STX18: variants seen among roughly 807,000 people sequenced by gnomAD.
STX18 encodes syntaxin 18, also known as syntaxin-18.
STX18 carries 40 observed loss-of-function variants against 50.1 expected under a neutral mutation model. The observed-to-expected ratio is 0.80, with a 90% confidence interval of 0.62 to 1.04. The LOEUF is 1.04. Ranked by LOEUF, STX18 falls within the 50% of genes least tolerant of loss-of-function variation. The pLI, the probability that STX18 is intolerant of heterozygous loss-of-function variation, is 0.00. For missense variants in STX18, 410 were observed against 415.8 expected, an observed-to-expected ratio of 0.99 and a Z score of 0.12; for synonymous variants, 158 against 151.8, an observed-to-expected ratio of 1.04 and a Z score of -0.30.
intron 1 of STX18, among the ~76,000 whole-genome samples, chr4:4,476,929 GTGGCTTAAGCC>G (rs1379943383): frequency 1.3e-5 from 2 of 152,304 alleles, no homozygotes; most frequent in Admixed American, 1.3e-4. Context: ...GGCTTGGGCA[GTGGCTTAAGCC>G]TGTAATCCCA....
chr4:4,515,207 G>A (rs1301697231), intron 1 of STX18, among the ~76,000 whole-genome samples: 1 of 152,036 alleles, frequency 6.6e-6, no homozygotes. Flanking sequence ...AGGAATGGTT[G>A]TAAAATTTCT....
chr4:4,520,252 C>T (rs1730451228), intron 1 of STX18, among the ~76,000 whole-genome samples: 1 of 152,200 alleles, frequency 6.6e-6, no homozygotes, highest in East Asian at 1.9e-4. Context: ...GATCCCAACT[C>T]TTTCCCAATA....
intron 5 of STX18, among the ~76,000 whole-genome samples, chr4:4,439,595 C>A (rs1040137624): frequency 3.3e-4 from 43 of 130,410 alleles, no homozygotes; most frequent in Non-Finnish European, 5.6e-4. Context: ...ACACACACCC[C>A]CACACACATA....
chr4:4,423,499 T>C lies in STX18; in HGVS notation c.831+19A>G, dbSNP rs1378612700. 6.2e-7 allele frequency: 1 copy of C among 1,613,344 alleles called. No individual in the cohort carries two copies. The highest frequency in any genetic ancestry group is 8.5e-7 in the Non-Finnish European group (1 of 1,179,450). On this transcript the variant is annotated intron_variant, in intron 9 of 10. Transcript: ENST00000306200. ...CCTTTGAGTGAAAACATACAGCTCC[T>C]TTGTTTTTGTTTTTTTACCTGTTGC...
At chr4:4,434,348 A>G (rs1250359088) in intron 7 of STX18, among the ~76,000 whole-genome samples, 1 of 152,226 alleles carries the variant, frequency 6.6e-6, no homozygotes, top group African/African-American at 2.4e-5. Flanking sequence ...GCAGGTAACT[A>G]AAAGGAGGTG....
rs34563523 is a variant in STX18 at position 4,489,391 on chromosome 4, A to ATTTTTTTTTTTT, written c.169-17697_169-17686dup. Among the ~76,000 whole-genome samples, 71 of 51,678 alleles carry ATTTTTTTTTTTT rather than the reference A, an allele frequency of 1.4e-3. 12 individuals carry two copies. The highest frequency in any genetic ancestry group is 2.7e-3 in the Admixed American group (9 of 3,298). The allele number at this position is 51,678 out of a possible 152,430, so 33.9% of individuals were successfully genotyped here. A position where few individuals can be genotyped will look rare whatever the true frequency, so the allele number is the denominator to read the frequency against. The stretch of plus-strand genomic sequence containing the variant: ...AGCACTTCAATACACATGCAAAATA[A>ATTTTTTTTTTTT]TTTTTTTTTTTTTTTTTTTTTTTTT... On this transcript the variant is annotated intron_variant, in intron 1 of 10. Transcript: ENST00000306200.
intron 7 of STX18, among the ~76,000 whole-genome samples, chr4:4,430,652 C>T (rs1725472332): frequency 6.6e-6 from 1 of 152,186 alleles, no homozygotes; most frequent in Non-Finnish European, 1.5e-5. Context: ...CTGCATCAAC[C>T]TCAATGTGGG....
At chr4:4,507,819 A>G in intron 1 of STX18, 2 of 591,270 alleles carry the variant, frequency 3.4e-6, no homozygotes, top group Admixed American at 3.1e-5. Flanking sequence ...TCACAGTAAA[A>G]AAAAAAAAAA....
At chr4:4,501,733 C>T (rs1278350094) in intron 1 of STX18, among the ~76,000 whole-genome samples, 9 of 152,136 alleles carry the variant, frequency 5.9e-5, no homozygotes, top group African/African-American at 2.2e-4. Flanking sequence ...TGAACAATAA[C>T]TCGGCAAATT....
Position 4,459,361 on chromosome 4 carries a change from G to T in STX18, c.352+11C>A. 1 of 1,601,154 alleles carries T rather than the reference G, an allele frequency of 6.2e-7. No individual in the cohort carries two copies. Among genetic ancestry groups the T allele is most frequent in the Non-Finnish European group, 8.6e-7 (1 of 1,168,588 alleles). On this transcript the variant is annotated intron_variant, in intron 3 of 10. Transcript: ENST00000306200. ...CATGGTTGCTTGTTTGCATCTTTCA[G>T]AGCACTTTACCTTCTGTTCGTAGTT...
At chr4:4,531,712 C>CT (rs1426970317) in intron 1 of STX18, among the ~76,000 whole-genome samples, 1 of 152,204 alleles carries the variant, frequency 6.6e-6, no homozygotes, top group African/African-American at 2.4e-5. Context: ...CCTAAGTAGA[C>CT]TGCCTCTAAT....
intron 1 of STX18, among the ~76,000 whole-genome samples, chr4:4,529,976 A>G (rs989264741): frequency 1.7e-4 from 26 of 152,190 alleles, no homozygotes; most frequent in African/African-American, 6.3e-4. Context: ...TACTCCCTTT[A>G]CAAAAGATTT....
rs34563523 is a variant in STX18, at chr4:4,489,391, A to ATTTTTTTTTTTTTTTT, written c.169-17701_169-17686dup. 6.4e-4 allele frequency among the ~76,000 whole-genome samples: 33 copies of ATTTTTTTTTTTTTTTT among 51,676 alleles called. 7 individuals are homozygous for ATTTTTTTTTTTTTTTT. Among genetic ancestry groups the ATTTTTTTTTTTTTTTT allele is most frequent in the Non-Finnish European group, 1.1e-3 (29 of 26,642 alleles). The allele number at this position is 51,676 out of a possible 152,430, so 33.9% of individuals were successfully genotyped here. On this transcript the variant is annotated intron_variant, in intron 1 of 10. Coordinates refer to ENST00000306200, the MANE Select transcript of STX18 (RefSeq NM_016930.4). The stretch of plus-strand genomic sequence containing the variant: ...AGCACTTCAATACACATGCAAAATA[A>ATTTTTTTTTTTTTTTT]TTTTTTTTTTTTTTTTTTTTTTTTT...
At chr4:4,493,138 T>C (rs1477354081) in intron 1 of STX18, among the ~76,000 whole-genome samples, 1 of 152,162 alleles carries the variant, frequency 6.6e-6, no homozygotes, top group Non-Finnish European at 1.5e-5. Context: ...AAACTGCAAA[T>C]ATTTCTGCTT....
chr4:4,459,677 G>A (rs547146288), intron 2 of STX18, among the ~76,000 whole-genome samples, 190 bp from the exon 3 acceptor site: 1 of 152,274 alleles, frequency 6.6e-6, no homozygotes, highest in East Asian at 1.9e-4. Context: ...CATATGAAGG[G>A]TGTGTGGTAG....
At chr4:4,513,270 A>G (rs1351496504) in intron 1 of STX18, among the ~76,000 whole-genome samples, 1 of 152,198 alleles carries the variant, frequency 6.6e-6, no homozygotes, top group African/African-American at 2.4e-5. Context: ...TGGATCTCAA[A>G]TCTCAGCTTT....
At chr4:4,438,581 C>T in intron 5 of STX18, 72 bp from the exon 6 acceptor site, 2 of 1,243,900 alleles carry the variant, frequency 1.6e-6, no homozygotes, top group Admixed American at 3.6e-5. Context: ...CAGAAGGAGT[C>T]ACATGTGACC....
intron 5 of STX18, among the ~76,000 whole-genome samples, chr4:4,440,686 TCA>T (rs1420675067): frequency 6.6e-6 from 1 of 152,240 alleles, no homozygotes; most frequent in African/African-American, 2.4e-5. Flanking sequence ...GACACTCTCT[TCA>T]CAGAGTTTTT....
At chr4:4,488,354 G>A (rs1728787214) in intron 1 of STX18, among the ~76,000 whole-genome samples, 1 of 152,166 alleles carries the variant, frequency 6.6e-6, no homozygotes, top group Non-Finnish European at 1.5e-5. Flanking sequence ...ATAAGAATGT[G>A]GAGATGTCAA....
Sources: allele counts gnomAD v4.1 joint callset (sites outside exome capture counted in the v4.1 genomes callset), GRCh38; gene constraint gnomAD v4.1.1; transcripts MANE v1.5; gene names NCBI Gene and HGNC (gene_info 2026-07-23, HGNC 2026-07-21).